Variants in CASK observed in about 807,000 individuals in gnomAD.
The protein encoded by CASK is calcium/calmodulin dependent serine protein kinase.
Under a neutral mutation model 82.9 loss-of-function variants are expected in CASK, and 4 were observed. The ratio of observed to expected loss-of-function variants is 0.05; its 90% CI spans 0.02 to 0.11. The LOEUF (loss-of-function observed/expected upper bound fraction) is 0.11. CASK is among the 10% of genes least tolerant of loss of function. The pLI is 1.00. For synonymous variants in CASK, 259 were observed against 253.5 expected (o/e 1.02, Z -0.20); for missense variants, 358 against 720.9 (o/e 0.50, Z 5.76).
At chrX:41,848,724 C>A (rs767357699) in intron 2 of CASK, among the ~76,000 whole-genome samples, 20 of 111,989 alleles carry the variant, frequency 1.8e-4, no homozygotes, top group Non-Finnish European at 3.4e-4. Flanking sequence ...GGGAATGCGG[C>A]CTTAGAGGAG....
intron 3 of CASK, among the ~76,000 whole-genome samples, chrX:41,776,419 G>C (rs1313781230): frequency 1.8e-5 from 2 of 112,684 alleles, no homozygotes; most frequent in Non-Finnish European, 3.7e-5. Flanking sequence ...CAAACTCTAA[G>C]ATCAGAAATA....
chrX:41,674,998 C>T (rs1390499221), intron 5 of CASK, among the ~76,000 whole-genome samples: 4 of 111,340 alleles, frequency 3.6e-5, no homozygotes, highest in African/African-American at 1.3e-4. Flanking sequence ...TGTTTTACTG[C>T]TGTGCTTGAT....
chrX:41,905,086 T>C lies in CASK; in HGVS notation c.59+17844A>G, dbSNP rs186668970. Among the ~76,000 whole-genome samples the C allele has an allele frequency of 4.5e-5, 5 of 112,277 alleles. No individual in the cohort carries two copies. The Admixed American group carries it at 4.7e-4, about 11-fold the overall frequency. The stretch of plus-strand genomic sequence containing the variant: ...GTCTTTATCTTAATTTATTTTATAG[T>C]TGAATGATATTCCATTGTGTGCAAC... On this transcript the variant is annotated intron_variant, in intron 1 of 26. Coordinates refer to ENST00000378163, the MANE Select transcript of CASK (RefSeq NM_001367721.1).
At chrX:41,753,710 A>G (rs938712560) in intron 3 of CASK, among the ~76,000 whole-genome samples, 5 of 111,159 alleles carry the variant, frequency 4.5e-5, no homozygotes, top group African/African-American at 1.6e-4. Context: ...ACACAGTGAG[A>G]CTCCTTCTCT....
chrX:41,534,001 T>C (rs1025093354), intron 24 of CASK, among the ~76,000 whole-genome samples: 6 of 111,936 alleles, frequency 5.4e-5, no homozygotes, highest in Middle Eastern at 4.7e-3. Context: ...AATGAAATGA[T>C]AGTGGTAGAT....
At chrX:41,824,055 T>C (rs2070605646) in intron 2 of CASK, among the ~76,000 whole-genome samples, 1 of 112,145 alleles carries the variant, frequency 8.9e-6, no homozygotes, top group Admixed American at 9.5e-5. Context: ...TTATTCTCCC[T>C]GACCCTTTGA....
chrX:41,619,140 C>T (rs779478331), intron 11 of CASK, among the ~76,000 whole-genome samples: 5 of 111,269 alleles, frequency 4.5e-5, no homozygotes, highest in South Asian at 7.6e-4. Context: ...TCTCTTTAAT[C>T]TCAATTTGAT....
At chrX:41,699,957 A>T (rs1304361571) in intron 5 of CASK, among the ~76,000 whole-genome samples, 1 of 111,856 alleles carries the variant, frequency 8.9e-6, no homozygotes, top group African/African-American at 3.2e-5. Context: ...CTCCTAACCC[A>T]AGGTTTAGTT....
At chrX:41,545,524 C>G (rs1384801942) in intron 21 of CASK, among the ~76,000 whole-genome samples, 1 of 112,192 alleles carries the variant, frequency 8.9e-6, no homozygotes, top group Non-Finnish European at 1.9e-5. Flanking sequence ...TCTATTTGAG[C>G]ATCTCTAAAC....
Position 41,915,336 on chromosome X carries a change from A to G in CASK, c.59+7594T>C, listed in dbSNP as rs182718328. 1.2e-3 allele frequency among the ~76,000 whole-genome samples: 140 copies of G among 112,769 alleles called. 2 individuals are homozygous for G. Among genetic ancestry groups the G allele is most frequent in the Non-Finnish European group, 2.2e-3 (119 of 53,413 alleles). On this transcript the variant is annotated intron_variant, in intron 1 of 26. Transcript: ENST00000378163. ...TATGACAGAATACTGGGCAGCAGCT[A>G]AAGAGGAGATAGAGACAGACAGATA...
chrX:41,675,406 C>A (rs745926201), intron 5 of CASK, among the ~76,000 whole-genome samples: 1 of 112,352 alleles, frequency 8.9e-6, no homozygotes, highest in Admixed American at 9.4e-5. Context: ...CCCACCAGGA[C>A]AAACCAATAT....
chrX:41,785,002 C>CTT (rs368185380), intron 3 of CASK, among the ~76,000 whole-genome samples: 171 of 74,772 alleles, frequency 2.3e-3, no homozygotes, highest in Non-Finnish European at 2.5e-3. Context: ...TTTCAAAATT[C>CTT]TTTTTTTTTT....
intron 14 of CASK, chrX:41,586,566 T>C (rs1272479305): frequency 2.0e-5 from 3 of 148,221 alleles, no homozygotes; most frequent in African/African-American, 3.1e-5. Flanking sequence ...ATTCAGACGA[T>C]TCCTTATTAT....
intron 12 of CASK, among the ~76,000 whole-genome samples, chrX:41,600,790 G>C (rs1214267211): frequency 8.9e-6 from 1 of 111,831 alleles, no homozygotes; most frequent in Non-Finnish European, 1.9e-5. Context: ...AATTCCCTAC[G>C]ATTAGACAGC....
At chrX:41,676,629 G>T in intron 5 of CASK, 1 of 485,656 alleles carries the variant, frequency 2.1e-6, no homozygotes, top group Non-Finnish European at 3.4e-6. Flanking sequence ...GAGCGAGATG[G>T]GAAATCACCA....
chrX:41,637,378 CTTTTTTTTTTTTTTTTTT>C lies in CASK; in HGVS notation c.832-735_832-718del, dbSNP rs758261036. On this transcript the variant is annotated intron_variant, in intron 8 of 26. Transcript: ENST00000378163. ...TACAGACTCTTCTAATTAGGACACG[CTTTTTTTTTTTTTTTTTT>C]TTTTTTTTTTTTTTGAGACAGGGTC... 4.3e-3 allele frequency among the ~76,000 whole-genome samples: 158 copies of C among 36,905 alleles called. 1 individual carries two copies. Among genetic ancestry groups the C allele is most frequent in the African/African-American group, 0.018 (139 of 7,723 alleles). The allele number at this position is 36,905 out of a possible 115,157, so 32.0% of individuals were successfully genotyped here.
In CASK at chrX:41,737,207, C is replaced by T. The variant is rs763770963; in HGVS notation, c.429+2177G>A. On this transcript the variant is annotated intron_variant, in intron 5 of 26. Transcript: ENST00000378163. ...GAGAGAGACGTTTTGAATGAGAGACCGCAAAGAGCGCCCAGCCAGCTCCCA... is the reference window on the plus strand; with the variant it reads ...GAGAGAGACGTTTTGAATGAGAGACTGCAAAGAGCGCCCAGCCAGCTCCCA... 7.2e-5 allele frequency among the ~76,000 whole-genome samples: 8 copies of T among 111,442 alleles called. No individual in the cohort carries two copies. The South Asian group carries it at 3.0e-3, about 42-fold the overall frequency.
chrX:41,567,632 C>G (rs1241005639), intron 16 of CASK, among the ~76,000 whole-genome samples: 1 of 111,900 alleles, frequency 8.9e-6, no homozygotes, highest in Non-Finnish European at 1.9e-5. Context: ...CACTTTTACA[C>G]TGTTGGTGGG....
intron 2 of CASK, among the ~76,000 whole-genome samples, chrX:41,809,503 C>T (rs2070222696): frequency 8.9e-6 from 1 of 112,350 alleles, no homozygotes; most frequent in South Asian, 3.7e-4. Flanking sequence ...CTCCAGCAAA[C>T]TCCAACAGAC....
Sources: allele counts gnomAD v4.1 joint callset (sites outside exome capture counted in the v4.1 genomes callset), GRCh38; gene constraint gnomAD v4.1.1; transcripts MANE v1.5; gene names NCBI Gene and HGNC (gene_info 2026-07-23, HGNC 2026-07-21).